MAP3K13: variants seen among roughly 807,000 people sequenced by gnomAD.
MAP3K13 encodes the protein leucine zipper-bearing kinase.
In MAP3K13, 52 loss-of-function variants were observed where a neutral mutation model predicts 104.0. That is an observed-to-expected ratio of 0.50 (90% CI 0.40 to 0.63). MAP3K13 has a LOEUF of 0.63. Among genes scored for constraint, MAP3K13 ranks in the 20% least tolerant of loss-of-function variants. The probability of loss-of-function intolerance (pLI) is 0.00; values close to 1 mark genes in which losing one functional copy is unlikely to be tolerated. For synonymous variants in MAP3K13, 394 were observed against 442.2 expected, an observed-to-expected ratio of 0.89 and a Z score of 1.37; for missense variants, 914 against 1,218.5, an observed-to-expected ratio of 0.75 and a Z score of 3.72.
At position 185,466,972 on chromosome 3, in the gene MAP3K13, C is replaced by A; in HGVS notation, c.1643+9C>A. 6.2e-7 allele frequency: 1 copy of A among 1,613,882 alleles called. No individual in the cohort carries two copies. Among genetic ancestry groups the A allele is most frequent in the Non-Finnish European group, 8.5e-7 (1 of 1,179,838 alleles). ...GGGATGCAGACCAAACGGTGAGACACCTGTACAAACGCAGTATTCAGATAA... is the reference window on the plus strand; with the variant it reads ...GGGATGCAGACCAAACGGTGAGACAACTGTACAAACGCAGTATTCAGATAA... On this transcript the variant is annotated intron_variant, in intron 10 of 13. Coordinates refer to ENST00000265026, the MANE Select transcript of MAP3K13 (RefSeq NM_004721.5).
At chr3:185,417,698 G>GTGC in intron 1 of MAP3K13, 1 of 1,612,606 alleles carries the variant, frequency 6.2e-7, no homozygotes, top group Non-Finnish European at 8.5e-7. Context: ...TTGGCTGGTA[G>GTGC]TGCTGCTGCT....
intron 1 of MAP3K13, among the ~76,000 whole-genome samples, chr3:185,367,828 T>C (rs1367942070): frequency 1.3e-5 from 2 of 152,216 alleles, no homozygotes; most frequent in Non-Finnish European, 2.9e-5. Flanking sequence ...ACTCCTGTGC[T>C]CAAGTGATCC....
chr3:185,389,344 A>G (rs945541585), intron 1 of MAP3K13, among the ~76,000 whole-genome samples: 1 of 152,180 alleles, frequency 6.6e-6, no homozygotes, highest in Non-Finnish European at 1.5e-5. Context: ...AGTTATTTAA[A>G]GTCTCTAAGT....
chr3:185,376,808 C>T (rs943467569), intron 1 of MAP3K13, among the ~76,000 whole-genome samples: 1 of 151,922 alleles, frequency 6.6e-6, no homozygotes, highest in Non-Finnish European at 1.5e-5. Context: ...GCAGGGAGAG[C>T]ACGTGTGTTT....
rs1460822975 is a variant in MAP3K13 at position 185,487,429 on chromosome 3, G to A, written c.*4973G>A. 6.6e-6 allele frequency: 1 copy of A among 151,652 alleles called. No individual in the cohort carries two copies. Among genetic ancestry groups the A allele is most frequent in the Non-Finnish European group, 1.5e-5 (1 of 68,082 alleles). The allele number at this position is 151,652 out of a possible 1,614,324, so 9.4% of individuals were successfully genotyped here. A position where few individuals can be genotyped will look rare whatever the true frequency, so the allele number is the denominator to read the frequency against. ...GATCCTCCTGCTTTGGCCTCCCAAA[G>A]TACTGGGATTACAAACGTGAGCTGC... is the stretch of plus-strand genomic sequence containing the variant. On this transcript the variant is annotated 3_prime_UTR_variant, in exon 14 of 14. Transcript: ENST00000265026.
At chr3:185,343,055 A>C (rs1005391986) in intron 2 of MAP3K13, among the ~76,000 whole-genome samples, 1 of 152,116 alleles carries the variant, frequency 6.6e-6, no homozygotes, top group African/African-American at 2.4e-5. Flanking sequence ...TTTCCTTGCC[A>C]TGCGGGGTTC....
chr3:185,354,519 T>TCC (rs1723268693), intron 2 of MAP3K13, among the ~76,000 whole-genome samples: 3 of 144,016 alleles, frequency 2.1e-5, no homozygotes, highest in East Asian at 4.5e-4. Context: ...AACATCTAAG[T>TCC]GCCCTGGAGA....
intron 6 of MAP3K13, 82 bp from the exon 7 acceptor site, chr3:185,451,205 A>G (rs540429322): frequency 2.2e-4 from 218 of 979,740 alleles, no homozygotes; most frequent in Non-Finnish European, 3.0e-4. Context: ...GAAGTAAACA[A>G]TCTTCTTCAT....
intron 1 of MAP3K13, among the ~76,000 whole-genome samples, chr3:185,393,034 G>A (rs1712162875): frequency 1.3e-5 from 2 of 151,878 alleles, no homozygotes; most frequent in Non-Finnish European, 2.9e-5. Context: ...CCTGGGTGAT[G>A]GAGTGAGACT....
chr3:185,316,188 C>G (rs1215922493), intron 2 of MAP3K13, among the ~76,000 whole-genome samples: 2 of 152,094 alleles, frequency 1.3e-5, no homozygotes, highest in Non-Finnish European at 2.9e-5. Context: ...ATTCCACTCC[C>G]CACCTCCTGG....
At chr3:185,399,984 T>C (rs565419872) in intron 1 of MAP3K13, among the ~76,000 whole-genome samples, 108 of 152,208 alleles carry the variant, frequency 7.1e-4, no homozygotes, top group African/African-American at 2.5e-3. Context: ...AAAGTGTTGC[T>C]CAGATTCTTT....
At chr3:185,362,618 T>C (rs1723675318), upstream of MAP3K13, among the ~76,000 whole-genome samples, 1 of 152,198 alleles carries the variant, frequency 6.6e-6, no homozygotes, top group Admixed American at 6.5e-5. Context: ...TAGATTATTG[T>C]TCCCATGCGT....
At chr3:185,340,720 G>A (rs1370493830) in intron 2 of MAP3K13, among the ~76,000 whole-genome samples, 3 of 152,038 alleles carry the variant, frequency 2.0e-5, no homozygotes, top group African/African-American at 4.8e-5. Flanking sequence ...GCTCTATGCC[G>A]TTCTTGTGAT....
chr3:185,479,043 C>T (rs757282372), intron 12 of MAP3K13, among the ~76,000 whole-genome samples: 131 of 152,112 alleles, frequency 8.6e-4, no homozygotes, highest in Non-Finnish European at 1.3e-3. Flanking sequence ...TTATAAACAA[C>T]GGGAAGGAAC....
intron 1 of MAP3K13, among the ~76,000 whole-genome samples, chr3:185,414,329 GA>G (rs1713620558): frequency 6.6e-6 from 1 of 152,168 alleles, no homozygotes. Context: ...CAAAAAAATT[GA>G]ATTCCACCAT....
chr3:185,353,034 G>A (rs1481546435), intron 2 of MAP3K13, among the ~76,000 whole-genome samples: 2 of 152,118 alleles, frequency 1.3e-5, no homozygotes, highest in African/African-American at 2.4e-5. Context: ...TTTCCAATGC[G>A]GCTTCATTAT....
intron 1 of MAP3K13, among the ~76,000 whole-genome samples, chr3:185,384,158 A>G (rs12497808): frequency 0.55 from 83,350 of 152,000 alleles, 23,355 homozygotes; most frequent in Middle Eastern, 0.64. Flanking sequence ...CATGAGGTCA[A>G]CTTTTTTTTA....
chr3:185,459,413 A>T (rs2148911568), intron 7 of MAP3K13, among the ~76,000 whole-genome samples: 1 of 152,242 alleles, frequency 6.6e-6, no homozygotes, highest in Non-Finnish European at 1.5e-5. Flanking sequence ...GTGTGGTAAA[A>T]TAAAGATAGT....
chr3:185,359,446 G>A (rs1723512924), upstream of MAP3K13, among the ~76,000 whole-genome samples: 1 of 152,136 alleles, frequency 6.6e-6, no homozygotes, highest in Non-Finnish European at 1.5e-5. Context: ...AAATAAAGAT[G>A]TTGTATTAGT....
Sources: gnomAD v4.1 joint callset for allele counts (sites outside exome capture counted in the v4.1 genomes callset) on GRCh38, gnomAD v4.1.1 for gene constraint, MANE v1.5 for transcripts, NCBI Gene and HGNC (gene_info 2026-07-23, HGNC 2026-07-21) for gene names.